LHFPL3: variants seen among roughly 807,000 people sequenced by gnomAD.
LHFPL3 encodes LHFPL tetraspan subfamily member 3 protein.
Under a neutral mutation model 19.3 loss-of-function variants are expected in LHFPL3, and 5 were observed. The observed-to-expected ratio is 0.26, with a 90% CI of 0.14 to 0.54. The LOEUF is 0.54. LHFPL3 is among the 20% of genes least tolerant of loss of function. The probability of loss-of-function intolerance (pLI) is 0.94; values close to 1 mark genes in which losing one functional copy is unlikely to be tolerated. For missense variants in LHFPL3, 249 were observed against 307.4 expected (o/e 0.81, Z 1.42); for synonymous variants, 133 against 126.2 (o/e 1.05, Z -0.36).
At chr7:104,837,455 G>A (rs965359994) in intron 2 of LHFPL3, among the ~76,000 whole-genome samples, 1 of 152,088 alleles carries the variant, frequency 6.6e-6, no homozygotes, top group African/African-American at 2.4e-5. Context: ...CTATAGTCAC[G>A]AAATTGTACT....
At chr7:104,769,616 CA>C (rs1794516478) in intron 2 of LHFPL3, among the ~76,000 whole-genome samples, 1 of 148,566 alleles carries the variant, frequency 6.7e-6, no homozygotes, top group Admixed American at 6.7e-5. Flanking sequence ...TTAGCCCCCC[CA>C]ACCCCCGACA....
intron 1 of LHFPL3, among the ~76,000 whole-genome samples, chr7:104,684,824 C>A (rs1239250020): frequency 1.3e-5 from 2 of 152,198 alleles, no homozygotes; most frequent in Non-Finnish European, 2.9e-5. Flanking sequence ...TGCTAGCTTC[C>A]CACTGCTTAG....
chr7:104,641,493 T>G (rs1791832818), intron 1 of LHFPL3, among the ~76,000 whole-genome samples: 1 of 152,260 alleles, frequency 6.6e-6, no homozygotes, highest in Non-Finnish European at 1.5e-5. Flanking sequence ...AGCCATCATT[T>G]GTTCCATTTT....
intron 1 of LHFPL3, chr7:104,669,063 G>C: frequency 6.2e-7 from 1 of 1,612,316 alleles, no homozygotes; most frequent in Non-Finnish European, 8.5e-7. Context: ...GAAGGAGAGA[G>C]AGTGAGAAGT....
rs567896037 is a variant in LHFPL3 at position 104,474,126 on chromosome 7, A to C, written c.445+144902A>C. On this transcript the variant is annotated intron_variant, in intron 1 of 2. Coordinates refer to ENST00000424859, the MANE Select transcript of LHFPL3 (RefSeq NM_199000.3). ...TGGAGAGTTATATAAAATGAATTCA[A>C]AGACCTCCTGCTTCTACCCAAGTCC... Among the ~76,000 whole-genome samples, 29 of 152,278 alleles carry C rather than the reference A, an allele frequency of 1.9e-4. 1 individual carries two copies. The highest frequency in any genetic ancestry group is 1.2e-3 in the South Asian group (6 of 4,830).
intron 1 of LHFPL3, among the ~76,000 whole-genome samples, chr7:104,444,514 A>AT (rs1211885183): frequency 6.6e-6 from 1 of 152,188 alleles, no homozygotes; most frequent in Non-Finnish European, 1.5e-5. Context: ...CTGCATCTCT[A>AT]TTGTGTTGTT....
At chr7:104,521,789 C>G (rs1319698865) in intron 1 of LHFPL3, among the ~76,000 whole-genome samples, 1 of 152,182 alleles carries the variant, frequency 6.6e-6, no homozygotes, top group African/African-American at 2.4e-5. Context: ...TGAAAAAATG[C>G]TCACCATCAC....
intron 1 of LHFPL3, among the ~76,000 whole-genome samples, chr7:104,599,969 G>A (rs1051664600): frequency 1.6e-4 from 24 of 152,120 alleles, no homozygotes; most frequent in African/African-American, 5.3e-4. Context: ...GACTTCCCTG[G>A]CCCTTCAACT....
chr7:104,492,776 C>T lies in LHFPL3; in HGVS notation c.445+163552C>T, dbSNP rs936850332. ...TTTAAAATAGTTTTATTTTAACCCA[C>T]CCTCTCTCCTTTCCTTTCTGTCTTA... On this transcript the variant is annotated intron_variant, in intron 1 of 2. Transcript: ENST00000424859. Among the ~76,000 whole-genome samples, 4 of 152,224 alleles carry T rather than the reference C, an allele frequency of 2.6e-5. No homozygotes were observed. The East Asian group carries it at 7.7e-4, about 29-fold the overall frequency.
chr7:104,564,537 A>G (rs1046677101), intron 1 of LHFPL3, among the ~76,000 whole-genome samples: 2 of 152,204 alleles, frequency 1.3e-5, no homozygotes, highest in Non-Finnish European at 2.9e-5. Flanking sequence ...ACCTCATATA[A>G]TCTGATCATC....
At chr7:104,718,599 C>T (rs1001554740) in intron 1 of LHFPL3, among the ~76,000 whole-genome samples, 1 of 152,136 alleles carries the variant, frequency 6.6e-6, no homozygotes, top group African/African-American at 2.4e-5. Context: ...TCTCCACCTG[C>T]TGTGCAGGAA....
intron 1 of LHFPL3, among the ~76,000 whole-genome samples, chr7:104,418,734 C>G (rs949695340): frequency 6.6e-6 from 1 of 152,106 alleles, no homozygotes; most frequent in African/African-American, 2.4e-5. Context: ...TTCATCTCAG[C>G]CTTCAAGGAT....
chr7:104,346,810 A>T (rs964355133), intron 1 of LHFPL3, among the ~76,000 whole-genome samples: 5 of 151,654 alleles, frequency 3.3e-5, no homozygotes, highest in Admixed American at 3.3e-4. Flanking sequence ...TAGAGGAGAT[A>T]TGAAGACTAA....
At chr7:104,343,377 G>T (rs1470446548) in intron 1 of LHFPL3, among the ~76,000 whole-genome samples, 1 of 151,664 alleles carries the variant, frequency 6.6e-6, no homozygotes, top group Non-Finnish European at 1.5e-5. Context: ...GCCGGGCATG[G>T]TGGTGCATGC....
intron 2 of LHFPL3, among the ~76,000 whole-genome samples, chr7:104,788,381 C>T (rs1407857338): frequency 6.6e-6 from 1 of 152,208 alleles, no homozygotes; most frequent in African/African-American, 2.4e-5. Flanking sequence ...CAGACTGACT[C>T]CTCTGTTAAC....
chr7:104,894,184 A>T (rs890738786), intron 2 of LHFPL3, among the ~76,000 whole-genome samples: 30 of 152,180 alleles, frequency 2.0e-4, no homozygotes, highest in African/African-American at 7.2e-4. Flanking sequence ...GATACTACTC[A>T]GAGTCCTAAT....
chr7:104,828,002 C>A (rs145564004), intron 2 of LHFPL3, among the ~76,000 whole-genome samples: 1 of 151,956 alleles, frequency 6.6e-6, no homozygotes, highest in Non-Finnish European at 1.5e-5. Flanking sequence ...AGTATTGTCA[C>A]AAGTCCTGAA....
At chr7:104,762,336 A>G (rs1794384855) in intron 2 of LHFPL3, among the ~76,000 whole-genome samples, 3 of 152,240 alleles carry the variant, frequency 2.0e-5, no homozygotes, top group Admixed American at 1.3e-4. Flanking sequence ...GGCAAGCAAT[A>G]GCAATCTAGA....
intron 1 of LHFPL3, among the ~76,000 whole-genome samples, chr7:104,657,448 A>C (rs1360050666): frequency 2.0e-5 from 3 of 152,076 alleles, no homozygotes; most frequent in Non-Finnish European, 4.4e-5. Flanking sequence ...TAAAAAGTCT[A>C]GATTTTTAAA....
Sources: gnomAD v4.1 joint callset for allele counts (sites outside exome capture counted in the v4.1 genomes callset) on GRCh38, gnomAD v4.1.1 for gene constraint, MANE v1.5 for transcripts, NCBI Gene and HGNC (gene_info 2026-07-23, HGNC 2026-07-21) for gene names.